FBRSL1: variants seen among roughly 807,000 people sequenced by gnomAD.
FBRSL1 encodes the protein fibrosin like 1.
In FBRSL1, 51 loss-of-function variants were observed where a neutral mutation model predicts 89.6. That is an observed-to-expected ratio of 0.57 (90% CI 0.45 to 0.72). The LOEUF (loss-of-function observed/expected upper bound fraction) is 0.72, where lower values mean the gene tolerates loss of function less well. FBRSL1 is among the 30% of genes least tolerant of loss of function. The pLI, the probability that FBRSL1 is intolerant of heterozygous loss-of-function variation, is 0.00. For missense variants in FBRSL1, 1,618 were observed against 1,451.8 expected, an observed-to-expected ratio of 1.11 and a Z score of -1.86; for synonymous variants, 779 against 681.1, an observed-to-expected ratio of 1.14 and a Z score of -2.24.
intron 17 of FBRSL1, 21 bp downstream of exon 17, chr12:132,581,845 C>G (rs942209474): frequency 6.6e-7 from 1 of 1,517,358 alleles, no homozygotes; most frequent in Admixed American, 2.1e-5. Flanking sequence ...CAGCCTGTGC[C>G]CCCCTCCCCC....
chr12:132,511,738 C>G (rs2034362907), intron 2 of FBRSL1: 1 of 985,334 alleles, frequency 1.0e-6, no homozygotes. Context: ...CCTCCAGCAC[C>G]CCGCACTTGC....
Position 132,499,092 on chromosome 12 carries a change from G to C in FBRSL1, c.291+8231G>C, listed in dbSNP as rs1294128503. ...AGGCCTCCAGGAGCTTGGGTGGCCA[G>C]ACTGGTCCCTGGGACTGGTGGGCCT... On this transcript the variant is annotated intron_variant, in intron 1 of 18. Coordinates refer to ENST00000680143, the MANE Select transcript of FBRSL1 (RefSeq NM_001367871.1). The surrounding 1 kb of genome is among the most constrained non-coding windows in gnomAD (Gnocchi z 4.3). Among the ~76,000 whole-genome samples the C allele has an allele frequency of 6.6e-6, 1 of 152,258 alleles. No individual in the cohort carries two copies. Among genetic ancestry groups the C allele is most frequent in the African/African-American group, 2.4e-5 (1 of 41,470 alleles).
At chr12:132,553,194 G>A (rs149205382) in intron 5 of FBRSL1, 610 of 152,110 alleles carry the variant, frequency 4.0e-3, no homozygotes, top group Admixed American at 0.011. Flanking sequence ...AGGTGCCACC[G>A]TCTCTGGGGA....
At position 132,570,254 on chromosome 12, in the gene FBRSL1, C is replaced by T. The variant is rs751457223; in HGVS notation, c.1007+13C>T. 76 of 1,490,904 alleles carry T rather than the reference C, an allele frequency of 5.1e-5. No individual in the cohort carries two copies. The highest frequency in any genetic ancestry group is 1.2e-4 in the African/African-American group (8 of 69,204). The allele number at this position is 1,490,904 out of a possible 1,614,324, so 92.4% of individuals were successfully genotyped here. On this transcript the variant is annotated intron_variant, in intron 7 of 18. Coordinates refer to ENST00000680143, the MANE Select transcript of FBRSL1 (RefSeq NM_001367871.1). ...TGCACGGCCTCAGGTGGGGTCCCCGCGGGGGACGGGGCCTGTGTGGTCTCA... is the reference window on the plus strand; with the variant it reads ...TGCACGGCCTCAGGTGGGGTCCCCGTGGGGGACGGGGCCTGTGTGGTCTCA...
chr12:132,491,254 C>G (rs1031348803), intron 1 of FBRSL1, among the ~76,000 whole-genome samples: 1 of 152,190 alleles, frequency 6.6e-6, no homozygotes, highest in Admixed American at 6.5e-5. Context: ...AAAATGGATA[C>G]TCCGCGGGCC....
At chr12:132,510,691 C>A in intron 2 of FBRSL1, 1 of 1,225,586 alleles carries the variant, frequency 8.2e-7, no homozygotes, top group Middle Eastern at 3.1e-4. Context: ...GAGAGATGAA[C>A]CCGCGTCTGC....
chr12:132,559,738 G>A (rs1037844477), intron 5 of FBRSL1, among the ~76,000 whole-genome samples: 4 of 152,322 alleles, frequency 2.6e-5, no homozygotes, highest in South Asian at 2.1e-4. Flanking sequence ...TGGGAGCGGG[G>A]TGGCAGGTGT....
chr12:132,561,651 C>T (rs892014364), intron 5 of FBRSL1, among the ~76,000 whole-genome samples: 1 of 152,160 alleles, frequency 6.6e-6, no homozygotes, highest in Non-Finnish European at 1.5e-5. Flanking sequence ...GCTGCCCCAA[C>T]CACAGAGGGG....
chr12:132,554,327 C>A (rs1368748062), intron 5 of FBRSL1: 1 of 152,188 alleles, frequency 6.6e-6, no homozygotes, highest in African/African-American at 2.4e-5. Context: ...CAACCTGCAC[C>A]CTCAGGAGGC....
chr12:132,545,575 T>C (rs535745525), intron 4 of FBRSL1, among the ~76,000 whole-genome samples: 2 of 152,322 alleles, frequency 1.3e-5, no homozygotes, highest in Admixed American at 6.5e-5. Flanking sequence ...GTGGTCAGCC[T>C]GGCTGGGTCC....
intron 15 of FBRSL1, 47 bp downstream of exon 15, chr12:132,576,978 C>G (rs1054711313): frequency 6.6e-7 from 1 of 1,526,546 alleles, no homozygotes; most frequent in Non-Finnish European, 8.8e-7. Context: ...ACCTCCCGCT[C>G]GTGCCCAGCT....
intron 5 of FBRSL1, among the ~76,000 whole-genome samples, chr12:132,559,353 C>T (rs2038922678): frequency 6.6e-6 from 1 of 152,212 alleles, no homozygotes; most frequent in Non-Finnish European, 1.5e-5. Context: ...AAGGGCTCCT[C>T]CTTTCAGGTC....
At chr12:132,520,409 A>C (rs992219277) in intron 2 of FBRSL1, among the ~76,000 whole-genome samples, 2 of 152,154 alleles carry the variant, frequency 1.3e-5, no homozygotes, top group East Asian at 3.9e-4. Flanking sequence ...TTGACCCCGG[A>C]ACTGGGTCAC....
intron 2 of FBRSL1, among the ~76,000 whole-genome samples, chr12:132,522,534 G>A (rs561369074): frequency 2.6e-4 from 39 of 152,332 alleles, no homozygotes; most frequent in Non-Finnish European, 4.3e-4. Context: ...GTTGCTGAGG[G>A]TTCAGGAAAT....
At chr12:132,528,132 C>T in intron 4 of FBRSL1, 144 bp downstream of exon 4, 1 of 737,160 alleles carries the variant, frequency 1.4e-6, no homozygotes, top group African/African-American at 1.7e-5. Flanking sequence ...CTGGTTCTGG[C>T]CTCAAACACC....
At chr12:132,571,919 C>T (rs1047054261) in intron 9 of FBRSL1, 1 of 362,694 alleles carries the variant, frequency 2.8e-6, no homozygotes, top group Non-Finnish European at 5.0e-6. Flanking sequence ...GGCTGGAGTC[C>T]CCTCCACTCT....
At chr12:132,550,441 G>A (rs2038062397) in intron 5 of FBRSL1, among the ~76,000 whole-genome samples, 1 of 152,160 alleles carries the variant, frequency 6.6e-6, no homozygotes, top group Non-Finnish European at 1.5e-5. Flanking sequence ...GAGTGGGTGG[G>A]ACCTGCCTGT....
chr12:132,530,997 G>GT lies in FBRSL1; in HGVS notation c.615+3009_615+3010insT, dbSNP rs1189769880. 7.4e-4 allele frequency among the ~76,000 whole-genome samples: 110 copies of GT among 149,032 alleles called. 2 individuals carry two copies. Among genetic ancestry groups the GT allele is most frequent in the African/African-American group, 2.7e-3 (108 of 40,598 alleles). On this transcript the variant is annotated intron_variant, in intron 4 of 18. Transcript: ENST00000680143. ...TGCGGGCCCCTTGTGTCCAGTGTGG[G>GT]GGGGGGGGTGCAGGTGAGAGCCCGG...
Position 132,574,485 on chromosome 12 carries a change from T to A in FBRSL1, c.1630-8T>A, listed in dbSNP as rs538120866. 6.5e-7 allele frequency: 1 copy of A among 1,549,902 alleles called. No individual in the cohort carries two copies. The highest frequency in any genetic ancestry group is 2.4e-5 in the East Asian group (1 of 40,854). ...CCAGCCCCACTGAGCGCTTCCATCC[T>A]GTCGCAGAAGCCGGGGAGGTGGTGT... On this transcript the variant is annotated splice_region_variant and splice_polypyrimidine_tract_variant and intron_variant, in intron 13 of 18. Transcript: ENST00000680143.
Sources: gnomAD v4.1 joint callset for allele counts (sites outside exome capture counted in the v4.1 genomes callset) on GRCh38, gnomAD v4.1.1 for gene constraint, Gnocchi (gnomAD v3.1) non-coding constraint, MANE v1.5 for transcripts, NCBI Gene and HGNC (gene_info 2026-07-23, HGNC 2026-07-21) for gene names.